The following CNDP1 variants were observed in gnomAD, a reference collection of about 807,000 sequenced individuals.
CNDP1 encodes the protein carnosine dipeptidase 1.
In CNDP1, 44 loss-of-function variants were observed where a neutral mutation model predicts 58.1. The ratio of observed to expected loss-of-function variants is 0.76; its 90% CI spans 0.60 to 0.97. The LOEUF (loss-of-function observed/expected upper bound fraction) is 0.97, where lower values mean the gene tolerates loss of function less well. Among genes scored for constraint, CNDP1 ranks in the 50% least tolerant of loss-of-function variants. The pLI, the probability that CNDP1 is intolerant of heterozygous loss-of-function variation, is 0.00. For missense variants in CNDP1, 616 were observed against 655.1 expected (o/e 0.94, Z 0.65); for synonymous variants, 254 against 252.6 (o/e 1.01, Z -0.05).
intron 7 of CNDP1, among the ~76,000 whole-genome samples, chr18:74,573,028 C>T (rs1981526019): frequency 6.6e-6 from 1 of 152,108 alleles, no homozygotes; most frequent in African/African-American, 2.4e-5. Flanking sequence ...TTCATTCTCC[C>T]AAACTGAATA....
chr18:74,535,580 C>CTTTTTTTTTTTTTT (rs10685765), intron 1 of CNDP1, among the ~76,000 whole-genome samples: 44,384 of 104,196 alleles, frequency 0.43, 11,702 homozygotes, highest in East Asian at 0.65. Flanking sequence ...CCATTGCTGA[C>CTTTTTTTTTTTTTT]TTTTTTTTTT....
rs1463662212 is a variant in CNDP1 at position 74,545,430 on chromosome 18, G to T, written c.24+10739G>T. ...AGTAATTTTGCTGTGAGCTGAATGT[G>T]TAAGATGACACTTTAAAGGCTGTGT... On this transcript the variant is annotated intron_variant, in intron 1 of 11. Transcript: ENST00000358821. This position sits in a 1 kb window ranked among gnomAD's most constrained non-coding sequence, Gnocchi z 4.1. Among the ~76,000 whole-genome samples, 2 of 152,220 alleles carry T rather than the reference G, an allele frequency of 1.3e-5. No individual in the cohort carries two copies. Among genetic ancestry groups the T allele is most frequent in the Admixed American group, 1.3e-4 (2 of 15,284 alleles).
chr18:74,564,184 G>A (rs1262618212), intron 5 of CNDP1, among the ~76,000 whole-genome samples: 1 of 152,124 alleles, frequency 6.6e-6, no homozygotes, highest in Non-Finnish European at 1.5e-5. Context: ...CCACTTATTA[G>A]AACTGATTAC....
intron 9 of CNDP1, 88 bp from the exon 10 acceptor site, chr18:74,580,041 AC>A: frequency 8.7e-7 from 1 of 1,144,330 alleles, no homozygotes; most frequent in African/African-American, 1.5e-5. Flanking sequence ...TATTAACTGT[AC>A]TAATCAGTTT....
At chr18:74,574,785 A>G (rs1409012538) in intron 7 of CNDP1, 1 of 152,222 alleles carries the variant, frequency 6.6e-6, no homozygotes, top group African/African-American at 2.4e-5. Context: ...ACAGACATCA[A>G]TGGCTCCCCT....
At chr18:74,567,846 C>T (rs931282856) in intron 6 of CNDP1, among the ~76,000 whole-genome samples, 5 of 152,196 alleles carry the variant, frequency 3.3e-5, no homozygotes, top group African/African-American at 7.2e-5. Flanking sequence ...ACCCCAGTGC[C>T]GTGGTCACAG....
chr18:74,565,502 T>C (rs58692747), intron 5 of CNDP1, among the ~76,000 whole-genome samples: 29,888 of 152,168 alleles, frequency 0.2, 3,632 homozygotes, highest in East Asian at 0.47. Flanking sequence ...TGGGTAAATA[T>C]AGCTGTTCCA....
intron 1 of CNDP1, among the ~76,000 whole-genome samples, chr18:74,539,396 G>A (rs1335765653): frequency 1.3e-5 from 2 of 152,178 alleles, no homozygotes; most frequent in African/African-American, 2.4e-5. Context: ...GAGGATGCAG[G>A]ACTGCCAGGT....
At chr18:74,559,892 A>G (rs1322836734) in intron 3 of CNDP1, among the ~76,000 whole-genome samples, 1 of 152,136 alleles carries the variant, frequency 6.6e-6, no homozygotes, top group African/African-American at 2.4e-5. Context: ...ACTCTACTCC[A>G]TCATGAATGT....
At chr18:74,551,221 A>AT (rs1980897852) in intron 1 of CNDP1, among the ~76,000 whole-genome samples, 1 of 151,830 alleles carries the variant, frequency 6.6e-6, no homozygotes. Context: ...TGCTGGCACC[A>AT]TGCTTCCTGT....
At chr18:74,534,821 G>A (rs745570446) in intron 1 of CNDP1, 130 bp downstream of exon 1, 98 of 883,284 alleles carry the variant, frequency 1.1e-4, no homozygotes, top group Non-Finnish European at 1.6e-4. Flanking sequence ...GCTCCTCATG[G>A]TGTTCTTAGG....
chr18:74,555,895 A>C (rs1981024862), intron 1 of CNDP1, among the ~76,000 whole-genome samples: 1 of 152,104 alleles, frequency 6.6e-6, no homozygotes, highest in South Asian at 2.1e-4. Flanking sequence ...ACAACACTGG[A>C]TTTTAGGCAT....
rs572430991 is a variant in CNDP1 at position 74,557,275 on chromosome 18, G to A, written c.153+809G>A. Among the ~76,000 whole-genome samples, 216 of 152,206 alleles carry A rather than the reference G, an allele frequency of 1.4e-3. 6 individuals carry two copies. The South Asian group carries it at 0.039, about 28-fold the overall frequency. On this transcript the variant is annotated intron_variant, in intron 2 of 11. Coordinates refer to ENST00000358821, the MANE Select transcript of CNDP1 (RefSeq NM_032649.6). ...CTTGCTCTGTCACCCAGGCTGGAGT[G>A]CAGTGGCACAAACACAGCTCACTGC... is the stretch of plus-strand genomic sequence containing the variant.
intron 8 of CNDP1, 141 bp from the exon 9 acceptor site, chr18:74,578,022 C>T: frequency 1.4e-6 from 1 of 706,214 alleles, no homozygotes; most frequent in Non-Finnish European, 2.3e-6. Flanking sequence ...GGAAAAAGTC[C>T]TTGCGTGAGG....
intron 2 of CNDP1, among the ~76,000 whole-genome samples, chr18:74,558,687 C>A (rs1352972806): frequency 1.3e-5 from 2 of 152,094 alleles, no homozygotes; most frequent in South Asian, 2.1e-4. Context: ...AGCCACCGCA[C>A]CCGGCTGGGA....
chr18:74,568,442 C>T (rs562836828), intron 6 of CNDP1, among the ~76,000 whole-genome samples: 9 of 152,254 alleles, frequency 5.9e-5, no homozygotes, highest in East Asian at 3.9e-4. Context: ...CTCTAGAACC[C>T]GCTTTCAAGA....
chr18:74,541,752 C>T (rs1321099238), intron 1 of CNDP1, among the ~76,000 whole-genome samples: 1 of 152,210 alleles, frequency 6.6e-6, no homozygotes, highest in Non-Finnish European at 1.5e-5. Flanking sequence ...CACCTCTCCT[C>T]AGGCCCCACA....
chr18:74,578,090 G>C (rs1981677792), intron 8 of CNDP1, 73 bp from the exon 9 acceptor site: 2 of 1,350,908 alleles, frequency 1.5e-6, no homozygotes, highest in South Asian at 2.7e-5. Context: ...AGAGGCAGAG[G>C]GTGGTAACAC....
intron 1 of CNDP1, among the ~76,000 whole-genome samples, chr18:74,539,472 G>C (rs534373890): frequency 4.6e-5 from 7 of 152,202 alleles, no homozygotes; most frequent in Admixed American, 6.5e-5. Flanking sequence ...ATGCCGGAGG[G>C]AGCTATCCTG....
Sources: gnomAD v4.1 joint callset for allele counts (sites outside exome capture counted in the v4.1 genomes callset) on GRCh38, gnomAD v4.1.1 for gene constraint, Gnocchi (gnomAD v3.1) non-coding constraint, MANE v1.5 for transcripts, NCBI Gene and HGNC (gene_info 2026-07-23, HGNC 2026-07-21) for gene names.